Variants in TCF4 observed in about 807,000 individuals in gnomAD.
The protein encoded by TCF4 is transcription factor 4.
TCF4 carries 3 observed loss-of-function variants against 82.1 expected under a neutral mutation model. The ratio of observed to expected loss-of-function variants is 0.04; its 90% CI spans 0.02 to 0.09. TCF4 has a LOEUF of 0.09. Ranked by LOEUF, TCF4 falls within the 10% of genes least tolerant of loss-of-function variation. TCF4 has a pLI of 1.00. For missense variants in TCF4, 518 were observed against 852.7 expected (o/e 0.61, Z 4.89); for synonymous variants, 276 against 309.6 (o/e 0.89, Z 1.14).
chr18:55,514,266 C>A (rs2096857007), intron 3 of TCF4, among the ~76,000 whole-genome samples: 1 of 152,132 alleles, frequency 6.6e-6, no homozygotes, highest in Non-Finnish European at 1.5e-5. Flanking sequence ...AATGCAATAA[C>A]AGGACTATTG....
chr18:55,366,082 A>G (rs2087037992), intron 6 of TCF4, among the ~76,000 whole-genome samples: 2 of 152,124 alleles, frequency 1.3e-5, no homozygotes, highest in African/African-American at 2.4e-5. Flanking sequence ...ATAATTCTAA[A>G]TCTTCTATGA....
intron 8 of TCF4, chr18:55,321,458 A>G (rs1275944189): frequency 4.3e-6 from 3 of 705,506 alleles, no homozygotes; most frequent in Non-Finnish European, 7.1e-6. Flanking sequence ...CTATTTTTCT[A>G]CTCTGGGGGA....
At chr18:55,560,415 T>C (rs2097344772) in intron 3 of TCF4, among the ~76,000 whole-genome samples, 1 of 152,212 alleles carries the variant, frequency 6.6e-6, no homozygotes, top group South Asian at 2.1e-4. Flanking sequence ...AGTGCTGTCA[T>C]CAGAAGAGTT....
intron 3 of TCF4, among the ~76,000 whole-genome samples, chr18:55,525,148 A>G (rs1034946716): frequency 6.6e-6 from 1 of 151,554 alleles, no homozygotes; most frequent in Admixed American, 6.6e-5. Flanking sequence ...ACTATATCAG[A>G]TTTAGGTACA....
At chr18:55,270,288 T>C (rs2060070335) in intron 10 of TCF4, among the ~76,000 whole-genome samples, 1 of 152,056 alleles carries the variant, frequency 6.6e-6, no homozygotes, top group South Asian at 2.1e-4. Flanking sequence ...ACCACTCTAC[T>C]ATTAATTTTT....
At chr18:55,558,723 C>A (rs908018972) in intron 3 of TCF4, among the ~76,000 whole-genome samples, 1 of 152,048 alleles carries the variant, frequency 6.6e-6, no homozygotes, top group African/African-American at 2.4e-5. Flanking sequence ...TTATTGTTAT[C>A]GTTTTTAGGT....
At chr18:55,623,651 T>G (rs1361103327) in intron 2 of TCF4, among the ~76,000 whole-genome samples, 3 of 152,198 alleles carry the variant, frequency 2.0e-5, no homozygotes, top group Non-Finnish European at 4.4e-5. Context: ...GATCGATATT[T>G]TTTTTTGAAA....
chr18:55,584,712 G>A (rs554313522), intron 3 of TCF4, among the ~76,000 whole-genome samples: 3 of 151,326 alleles, frequency 2.0e-5, no homozygotes, highest in Non-Finnish European at 3.0e-5. Context: ...CAAGTAAATC[G>A]TTAGGGAAAA....
At chr18:55,247,425 A>G (rs930458057) in intron 15 of TCF4, among the ~76,000 whole-genome samples, 10 of 152,224 alleles carry the variant, frequency 6.6e-5, no homozygotes, top group African/African-American at 9.6e-5. Flanking sequence ...AAAGTACACA[A>G]TGAGACTGGG....
intron 8 of TCF4, among the ~76,000 whole-genome samples, chr18:55,294,560 G>A (rs2066004635): frequency 6.6e-6 from 1 of 152,124 alleles, no homozygotes; most frequent in Non-Finnish European, 1.5e-5. Flanking sequence ...ATCGTAAGTG[G>A]CTTCCATAGG....
At chr18:55,268,171 T>C (rs1448014363) in intron 11 of TCF4, 2 of 152,114 alleles carry the variant, frequency 1.3e-5, no homozygotes, top group South Asian at 2.1e-4. Context: ...AGCCTAAGTA[T>C]GTTTTCCTCA....
chr18:55,452,978 A>C (rs1468749870), intron 5 of TCF4, among the ~76,000 whole-genome samples: 8 of 152,218 alleles, frequency 5.3e-5, no homozygotes, highest in Admixed American at 5.2e-4. Flanking sequence ...CTTAATTTTC[A>C]AAATTATTAA....
chr18:55,368,238 T>C (rs1039380335), intron 6 of TCF4, among the ~76,000 whole-genome samples: 8 of 151,920 alleles, frequency 5.3e-5, no homozygotes, highest in Non-Finnish European at 1.2e-4. Flanking sequence ...ATACAAAAAT[T>C]AGCATGGTGG....
intron 6 of TCF4, among the ~76,000 whole-genome samples, chr18:55,378,724 CT>C (rs1469139334): frequency 1.3e-5 from 2 of 152,220 alleles, no homozygotes; most frequent in Non-Finnish European, 2.9e-5. Flanking sequence ...CTTTTCTCTT[CT>C]CTTACACATG....
At chr18:55,547,269 T>C (rs1337973971) in intron 3 of TCF4, among the ~76,000 whole-genome samples, 1 of 152,196 alleles carries the variant, frequency 6.6e-6, no homozygotes, top group African/African-American at 2.4e-5. Flanking sequence ...TAAAATAATA[T>C]TCTATGACAG....
intron 5 of TCF4, among the ~76,000 whole-genome samples, chr18:55,431,656 G>A (rs1282158611): frequency 6.6e-6 from 1 of 152,136 alleles, no homozygotes; most frequent in African/African-American, 2.4e-5. Context: ...TGACTGAACG[G>A]TGAAGACTTG....
intron 3 of TCF4, among the ~76,000 whole-genome samples, chr18:55,468,753 G>A (rs2096090062): frequency 6.6e-6 from 1 of 152,118 alleles, no homozygotes; most frequent in South Asian, 2.1e-4. Context: ...ATTGTGGTAT[G>A]AGAAGTGTTT....
At chr18:55,494,825 A>G (rs2096615787) in intron 3 of TCF4, among the ~76,000 whole-genome samples, 1 of 152,130 alleles carries the variant, frequency 6.6e-6, no homozygotes, top group South Asian at 2.1e-4. Context: ...TGAAAAGGAA[A>G]GAGATAATAA....
At chr18:55,631,834 G>A (rs1025051579) in intron 1 of TCF4, among the ~76,000 whole-genome samples, 1 of 152,168 alleles carries the variant, frequency 6.6e-6, no homozygotes, top group Non-Finnish European at 1.5e-5. Flanking sequence ...AGAAACGCTA[G>A]TACCAACAGG....
Sources: gnomAD v4.1 joint callset for allele counts (sites outside exome capture counted in the v4.1 genomes callset) on GRCh38, gnomAD v4.1.1 for gene constraint, MANE v1.5 for transcripts, NCBI Gene and HGNC (gene_info 2026-07-23, HGNC 2026-07-21) for gene names.